DHX36: variants seen among roughly 807,000 people sequenced by gnomAD.
DHX36 encodes the protein ATP-dependent DNA/RNA helicase DHX36.
Under a neutral mutation model 139.0 loss-of-function variants are expected in DHX36, and 50 were observed. That is an observed-to-expected ratio of 0.36 (90% CI 0.29 to 0.46). DHX36 has a LOEUF of 0.46. Ranked by LOEUF, DHX36 falls within the 20% of genes least tolerant of loss-of-function variation. DHX36 has a pLI of 1.00. For missense variants in DHX36, 1,024 were observed against 1,211.3 expected (o/e 0.85, Z 2.29); for synonymous variants, 425 against 401.9 (o/e 1.06, Z -0.69).
chr3:154,315,232 T>C lies in DHX36; in HGVS notation c.417A>G (p.Lys139=). The stretch of plus-strand genomic sequence containing the variant: ...TCAACTTCTTTTCCTGGATGTCAAG[T>C]TTGTTCTCTGAGCATGGTGTGTTCT... ...STKNTPCSEN[K]LDIQEKKLIN... is the part of the protein sequence containing the mutation. The change falls in exon 3 of 25, where the codon AAA becomes AAG. Residue 139 remains lysine, a synonymous_variant. Transcript: ENST00000496811. The C allele has an allele frequency of 1.2e-6, 2 of 1,613,510 alleles. No individual in the cohort carries two copies. The highest frequency in any genetic ancestry group is 1.7e-6 in the Non-Finnish European group (2 of 1,179,692).
chr3:154,312,737 G>A (rs1712806343), intron 3 of DHX36, among the ~76,000 whole-genome samples: 1 of 150,444 alleles, frequency 6.6e-6, no homozygotes, highest in Non-Finnish European at 1.5e-5. Flanking sequence ...AGCTACTTGG[G>A]AGGTTAAGGC....
chr3:154,320,325 T>C (rs1014552833), intron 1 of DHX36, among the ~76,000 whole-genome samples: 33 of 150,354 alleles, frequency 2.2e-4, no homozygotes, highest in African/African-American at 8.1e-4. Flanking sequence ...TGGCATCACC[T>C]GGGAGCCTGT....
At chr3:154,293,606 T>C (rs1001562007) in intron 14 of DHX36, 142 bp downstream of exon 14, 3 of 590,868 alleles carry the variant, frequency 5.1e-6, no homozygotes, top group African/African-American at 3.7e-5. Flanking sequence ...AAAATAAAAC[T>C]ATGCTCACTG....
chr3:154,320,399 T>C (rs1174074964), intron 1 of DHX36, among the ~76,000 whole-genome samples: 1 of 151,508 alleles, frequency 6.6e-6, no homozygotes, highest in Non-Finnish European at 1.5e-5. Flanking sequence ...AGGTGATTCC[T>C]ATGCACATTC....
chr3:154,277,348 T>C (rs112188749), intron 23 of DHX36, among the ~76,000 whole-genome samples: 1 of 152,170 alleles, frequency 6.6e-6, no homozygotes, highest in Non-Finnish European at 1.5e-5. Context: ...CCAATATTTC[T>C]TGAAAGCAAG....
intron 15 of DHX36, among the ~76,000 whole-genome samples, chr3:154,291,007 C>T (rs1166127880): frequency 1.3e-4 from 19 of 149,190 alleles, no homozygotes; most frequent in Non-Finnish European, 2.7e-4. Flanking sequence ...TAGTGGCGGG[C>T]GCCTGTAGTC....
chr3:154,276,937 G>A (rs755136663), intron 23 of DHX36, 38 bp from the exon 24 acceptor site: 6 of 1,554,566 alleles, frequency 3.9e-6, no homozygotes, highest in Non-Finnish European at 5.2e-6. Flanking sequence ...ACATTCAGGA[G>A]TCTGAAAAGA....
At chr3:154,291,134 CAAAAAAAAAAAAAAAAA>C (rs71152798) in intron 15 of DHX36, among the ~76,000 whole-genome samples, 2 of 61,050 alleles carry the variant, frequency 3.3e-5, no homozygotes, top group African/African-American at 6.8e-5. Context: ...GACTCCGTCT[CAAAAAAAAAAAAAAAAA>C]AAAAAAAAAA....
intron 3 of DHX36, among the ~76,000 whole-genome samples, chr3:154,313,348 C>T (rs1401194469): frequency 1.3e-5 from 2 of 152,102 alleles, no homozygotes; most frequent in Non-Finnish European, 2.9e-5. Context: ...ACTATAAGCT[C>T]TCTGAGGACA....
Position 154,306,130 on chromosome 3 carries a change from A to C in DHX36, c.893+86T>G, listed in dbSNP as rs1345367842. 5.9e-6 allele frequency: 6 copies of C among 1,022,060 alleles called. No homozygotes were observed. The East Asian group carries it at 1.2e-4, about 21-fold the overall frequency. 63.3% of individuals were successfully genotyped at this position (1,022,060 alleles called of 1,614,324 possible). On this transcript the variant is annotated intron_variant, in intron 6 of 24. Coordinates refer to ENST00000496811, the MANE Select transcript of DHX36 (RefSeq NM_020865.3). ...TTGTAATAGTAATAACCATCATAAAAATGGGGAAAATATCCTTTCTTTTGA... is the reference window on the plus strand; with the variant it reads ...TTGTAATAGTAATAACCATCATAAACATGGGGAAAATATCCTTTCTTTTGA...
rs61757215 is a variant in DHX36, at chr3:154,315,067, G to A, written c.582C>T (p.Asp194=). ...LLEDLQKKKN[D]LRYIEMQHFR... ...CTACCTGCATTTCAATATACCGAAG[G>A]TCATTTTTTTTCTTTTGTAAATCTT... The change falls in exon 3 of 25, where the codon GAC becomes GAT. Residue 194 remains aspartate, a synonymous_variant. Coordinates refer to ENST00000496811, the MANE Select transcript of DHX36 (RefSeq NM_020865.3). 2.5e-6 allele frequency: 4 copies of A among 1,604,470 alleles called. No individual in the cohort carries two copies. The highest frequency in any genetic ancestry group is 1.3e-5 in the African/African-American group (1 of 74,234).
intron 3 of DHX36, among the ~76,000 whole-genome samples, chr3:154,313,944 A>G (rs1712864225): frequency 6.6e-6 from 1 of 152,224 alleles, no homozygotes; most frequent in Non-Finnish European, 1.5e-5. Context: ...AGCTTAAATA[A>G]TATAGTACAC....
intron 20 of DHX36, 59 bp downstream of exon 20, chr3:154,283,129 G>T: frequency 1.5e-6 from 2 of 1,290,750 alleles, no homozygotes; most frequent in Non-Finnish European, 1.1e-6. Context: ...GTACAAAATG[G>T]ATGTATATAT....
At chr3:154,304,358 AATG>A in intron 8 of DHX36, among the ~76,000 whole-genome samples, 1 of 152,222 alleles carries the variant, frequency 6.6e-6, no homozygotes, top group South Asian at 2.1e-4. Flanking sequence ...TAAAAATGTG[AATG>A]ATAATAGCAA....
At chr3:154,305,241 T>A in intron 6 of DHX36, 73 bp from the exon 7 acceptor site, 1 of 1,292,802 alleles carries the variant, frequency 7.7e-7, no homozygotes, top group East Asian at 2.4e-5. Context: ...AAGGTTTATA[T>A]CTTCAATTTT....
chr3:154,314,968 G>A (rs1016633245), intron 3 of DHX36, 78 bp downstream of exon 3: 28 of 964,914 alleles, frequency 2.9e-5, no homozygotes, highest in Non-Finnish European at 4.3e-5. Context: ...ATGCCATGCA[G>A]CTACCTCTAA....
At chr3:154,289,569 C>T (rs1711700763) in intron 16 of DHX36, 140 bp downstream of exon 16, 1 of 622,496 alleles carries the variant, frequency 1.6e-6, no homozygotes, top group African/African-American at 1.9e-5. Flanking sequence ...AGTTTAAACA[C>T]ACAATTTACT....
chr3:154,286,179 A>ACAC (rs1559946811), intron 17 of DHX36, among the ~76,000 whole-genome samples: 1 of 110,636 alleles, frequency 9.0e-6, no homozygotes, highest in Non-Finnish European at 1.8e-5. Context: ...AAAAAAAAAA[A>ACAC]AAAAAAAAAA....
At chr3:154,299,581 T>C (rs1418214503) in intron 12 of DHX36, 3 of 410,572 alleles carry the variant, frequency 7.3e-6, no homozygotes, top group Non-Finnish European at 1.4e-5. Context: ...TCAGAAACAC[T>C]GGGCCAAGGG....
Sources: allele counts gnomAD v4.1 joint callset (sites outside exome capture counted in the v4.1 genomes callset), GRCh38; gene constraint gnomAD v4.1.1; transcripts MANE v1.5; gene names NCBI Gene and HGNC (gene_info 2026-07-23, HGNC 2026-07-21).